The following SPATA13 variants were observed in gnomAD, a reference collection of about 807,000 sequenced individuals.
The protein encoded by SPATA13 is spermatogenesis associated 13.
A neutral mutation model predicts 104.0 loss-of-function variants in SPATA13; 50 were observed. The ratio of observed to expected loss-of-function variants is 0.48; its 90% CI spans 0.38 to 0.61. The LOEUF is 0.61. SPATA13 is among the 20% of genes least tolerant of loss of function. The pLI is 0.00. For missense variants in SPATA13, 1,524 were observed against 1,690.6 expected (o/e 0.90, Z 1.73); for synonymous variants, 606 against 667.5 (o/e 0.91, Z 1.42).
intron 3 of SPATA13, 119 bp downstream of exon 3, chr13:24,249,961 G>A (rs1873392848): frequency 6.0e-6 from 8 of 1,326,386 alleles, no homozygotes; most frequent in Non-Finnish European, 8.1e-6. Context: ...GCGGCACCAT[G>A]TACTTAACCA....
intron 1 of SPATA13, among the ~76,000 whole-genome samples, chr13:24,193,915 A>G (rs1010684407): frequency 6.6e-6 from 1 of 152,132 alleles, no homozygotes. Context: ...TGGGATTTTA[A>G]CACATTGTGA....
chr13:24,144,582 C>A (rs1881870599), intron 3 of SPATA13, among the ~76,000 whole-genome samples: 1 of 152,150 alleles, frequency 6.6e-6, no homozygotes, highest in South Asian at 2.1e-4. Flanking sequence ...CACCGCTGAG[C>A]AGCTCTTGGG....
intron 3 of SPATA13, among the ~76,000 whole-genome samples, chr13:24,128,863 A>G (rs1000806715): frequency 3.3e-5 from 5 of 152,312 alleles, no homozygotes; most frequent in African/African-American, 1.2e-4. Flanking sequence ...TTTATTACCA[A>G]TTGATCTGGC....
At chr13:23,998,924 T>C (rs753883591) in intron 2 of SPATA13, among the ~76,000 whole-genome samples, 107 of 87,928 alleles carry the variant, frequency 1.2e-3, no homozygotes, top group Admixed American at 1.9e-3. Flanking sequence ...TTTCACTAAC[T>C]TTGGTTTTTT....
chr13:24,163,445 C>A (rs1882594870), intron 1 of SPATA13, among the ~76,000 whole-genome samples: 1 of 152,286 alleles, frequency 6.6e-6, no homozygotes, highest in East Asian at 1.9e-4. Flanking sequence ...CTACTGCCAG[C>A]TGTCTCCTCC....
At chr13:24,251,487 G>A in intron 3 of SPATA13, 1 of 985,450 alleles carries the variant, frequency 1.0e-6, no homozygotes, top group Non-Finnish European at 1.2e-6. Context: ...AGACAAGTGA[G>A]ATGAAACATG....
chr13:24,101,511 T>A (rs1278179308), intron 3 of SPATA13, among the ~76,000 whole-genome samples: 2 of 152,172 alleles, frequency 1.3e-5, no homozygotes, highest in African/African-American at 4.8e-5. Context: ...ACATAAAACT[T>A]ACCACCTTAA....
rs1446216205 is a variant in SPATA13, at chr13:24,131,402, C to A, written c.-111-91417C>A. Among the ~76,000 whole-genome samples the A allele has an allele frequency of 1.3e-5, 2 of 152,252 alleles. 1 individual carries two copies. ...GGGCTGACTCACAAAACCATCTACCCGAAGCATCTCTACTTACCTGACCTG... is the reference window on the plus strand; with the variant it reads ...GGGCTGACTCACAAAACCATCTACCAGAAGCATCTCTACTTACCTGACCTG... On this transcript the variant is annotated intron_variant, in intron 3 of 14. Coordinates refer to the SPATA13 transcript ENST00000424834.
At chr13:24,044,666 G>A (rs1878065386) in intron 3 of SPATA13, among the ~76,000 whole-genome samples, 2 of 152,130 alleles carry the variant, frequency 1.3e-5, no homozygotes, top group Admixed American at 1.3e-4. Flanking sequence ...CCATTTCTTT[G>A]TGATAAGAAC....
chr13:24,065,329 T>C (rs566236207), intron 3 of SPATA13, among the ~76,000 whole-genome samples: 1 of 152,184 alleles, frequency 6.6e-6, no homozygotes, highest in Admixed American at 6.5e-5. Context: ...GAGAAGGTTG[T>C]ATGAGGGGTA....
chr13:24,221,472 A>C lies in SPATA13; in HGVS notation c.-111-1347A>C, dbSNP rs551625856. Among the ~76,000 whole-genome samples the C allele has an allele frequency of 2.2e-5, 3 of 139,234 alleles. No individual in the cohort carries two copies. The South Asian group carries it at 7.3e-4, about 34-fold the overall frequency. 91.3% of individuals were successfully genotyped at this position (139,234 alleles called of 152,430 possible). ...TAAGCAGGTCTTGGCCTGATGGGAA[A>C]GGTTAAGGGGGAGCAGGATTTTCAT... On this transcript the variant is annotated intron_variant, in intron 1 of 12. Coordinates refer to ENST00000382108, the MANE Select transcript of SPATA13 (RefSeq NM_001166271.3).
intron 4 of SPATA13, among the ~76,000 whole-genome samples, chr13:24,260,348 G>T (rs1873999336): frequency 6.6e-6 from 1 of 152,216 alleles, no homozygotes; most frequent in African/African-American, 2.4e-5. Context: ...ACACTGGTCA[G>T]GTCACAGTGT....
intron 3 of SPATA13, among the ~76,000 whole-genome samples, chr13:24,153,759 T>C (rs1332186089): frequency 2.0e-5 from 3 of 152,182 alleles, no homozygotes; most frequent in African/African-American, 4.8e-5. Context: ...CATTTTGAAA[T>C]ATCCATGGAG....
chr13:24,106,497 C>T (rs914186532), intron 3 of SPATA13, among the ~76,000 whole-genome samples: 1 of 152,180 alleles, frequency 6.6e-6, no homozygotes, highest in African/African-American at 2.4e-5. Flanking sequence ...TTTCCTGTCC[C>T]CTCACTTCAG....
chr13:24,063,760 G>A (rs1285264453), intron 3 of SPATA13, among the ~76,000 whole-genome samples: 2 of 152,144 alleles, frequency 1.3e-5, no homozygotes, highest in African/African-American at 4.8e-5. Flanking sequence ...AAACAAAACA[G>A]AAACCTGCTC....
intron 4 of SPATA13, among the ~76,000 whole-genome samples, chr13:24,283,020 C>CT (rs1312315016): frequency 6.6e-6 from 1 of 152,206 alleles, no homozygotes; most frequent in Admixed American, 6.5e-5. Flanking sequence ...TGAGACCCTT[C>CT]TGTGTGCCCC....
At position 24,297,553 on chromosome 13, in the gene SPATA13, T is replaced by C. The variant is rs149993979; in HGVS notation, c.3401T>C (p.Leu1134Pro). ...KGRLDMDEME[L>P]VDLGDGRDKD... ...CGGCTGGACATGGATGAGATGGAGC[T>C]TGTGGACCTGGGGGATGGGCGCGAC... Residue 1134 changes from leucine to proline, a missense_variant, in exon 11 of 13, where the codon CTT becomes CCT. By Grantham distance (98) the Leu-to-Pro change is moderately conservative. Coordinates refer to ENST00000382108, the MANE Select transcript of SPATA13 (RefSeq NM_001166271.3). 2.3e-5 allele frequency: 37 copies of C among 1,614,052 alleles called. No individual in the cohort carries two copies. The highest frequency in any genetic ancestry group is 2.9e-5 in the Non-Finnish European group (34 of 1,180,040).
rs780148411 is a variant in SPATA13 at position 24,267,867 on chromosome 13, G to A, written c.2164+16005G>A. ...ATGGCAGTGCTTCTCCAAGTATGTT[G>A]TATAGTTTCTTGAGTTGTCTAGAAC... On this transcript the variant is annotated intron_variant, in intron 4 of 12. Coordinates refer to ENST00000382108, the MANE Select transcript of SPATA13 (RefSeq NM_001166271.3). 7.9e-5 allele frequency among the ~76,000 whole-genome samples: 12 copies of A among 152,252 alleles called. No homozygotes were observed. In the South Asian group the frequency reaches 8.3e-4, roughly 10 times the overall value.
intron 3 of SPATA13, among the ~76,000 whole-genome samples, chr13:24,090,532 C>T (rs1340272996): frequency 6.6e-6 from 1 of 152,160 alleles, no homozygotes; most frequent in African/African-American, 2.4e-5. Flanking sequence ...TTCCCATGCT[C>T]CCCCATCCAA....
Sources: allele counts gnomAD v4.1 joint callset (sites outside exome capture counted in the v4.1 genomes callset), GRCh38; gene constraint gnomAD v4.1.1; transcripts MANE v1.5; gene names NCBI Gene and HGNC (gene_info 2026-07-23, HGNC 2026-07-21).